Variants in RHBDD1 observed in about 807,000 individuals in gnomAD.
The protein encoded by RHBDD1 is rhomboid domain containing 1.
RHBDD1 carries 38 observed loss-of-function variants against 36.3 expected under a neutral mutation model. That is an observed-to-expected ratio of 1.05 (90% confidence interval 0.81 to 1.37). The LOEUF is 1.37. Among genes scored for constraint, RHBDD1 ranks in the 40% most tolerant of loss-of-function variants. The probability of loss-of-function intolerance (pLI) is 0.00; values close to 1 mark genes in which losing one functional copy is unlikely to be tolerated. For synonymous variants in RHBDD1, 151 were observed against 136.5 expected, an observed-to-expected ratio of 1.11 and a Z score of -0.74; for missense variants, 393 against 377.6, an observed-to-expected ratio of 1.04 and a Z score of -0.34.
chr2:226,913,587 G>A (rs1270946589), intron 7 of RHBDD1, among the ~76,000 whole-genome samples: 1 of 152,174 alleles, frequency 6.6e-6, no homozygotes, highest in Non-Finnish European at 1.5e-5. Flanking sequence ...TAATGACTAG[G>A]TTATCTCTTC....
Position 226,853,718 on chromosome 2 carries a change from T to TACACC in RHBDD1, c.-90-10884_-90-10883insACCAC, listed in dbSNP as rs1037505403. On this transcript the variant is annotated intron_variant, in intron 3 of 8. Transcript: ENST00000392062. Reference sequence around the variant, plus strand: ...TAATGTGTGGGATGCATGTGAAATTTACTTTCGTCCCCTCTTGTGGTGAGA... The same window carrying TACACC: ...TAATGTGTGGGATGCATGTGAAATTTACACCACTTTCGTCCCCTCTTGTGGTGAGA... Among the ~76,000 whole-genome samples the TACACC allele has an allele frequency of 1.3e-3, 203 of 152,374 alleles. 3 individuals are homozygous for TACACC. Among genetic ancestry groups the TACACC allele is most frequent in the African/African-American group, 4.8e-3 (199 of 41,598 alleles).
chr2:226,807,374 C>T, the RHBDD1 span: 1 of 152,038 alleles, frequency 6.6e-6, no homozygotes, highest in Non-Finnish European at 1.5e-5. Flanking sequence ...AACTGCTTAC[C>T]AGGAATTTAA....
chr2:226,850,424 A>G (rs1479740199), intron 3 of RHBDD1, among the ~76,000 whole-genome samples: 1 of 152,190 alleles, frequency 6.6e-6, no homozygotes, highest in Non-Finnish European at 1.5e-5. Flanking sequence ...ACAATGCACA[A>G]AGGGTTTCAT....
At chr2:226,932,704 C>A (rs899276797) in intron 8 of RHBDD1, among the ~76,000 whole-genome samples, 3 of 151,938 alleles carry the variant, frequency 2.0e-5, no homozygotes, top group Non-Finnish European at 2.9e-5. Context: ...ATGGGTATGT[C>A]CTGATTAAGC....
At chr2:226,967,659 A>G (rs1421898798) in intron 8 of RHBDD1, among the ~76,000 whole-genome samples, 1 of 151,686 alleles carries the variant, frequency 6.6e-6, no homozygotes, top group Non-Finnish European at 1.5e-5. Flanking sequence ...TTGTTGTAGT[A>G]ATTTTTCTGT....
chr2:226,867,076 A>C, intron 4 of RHBDD1, 110 bp from the exon 5 acceptor site: 3 of 1,118,284 alleles, frequency 2.7e-6, no homozygotes, highest in Non-Finnish European at 3.8e-6. Context: ...TAAAGCACAA[A>C]GTTGGATGTA....
intron 5 of RHBDD1, among the ~76,000 whole-genome samples, chr2:226,874,868 C>T (rs1945092800): frequency 6.6e-6 from 1 of 152,208 alleles, no homozygotes; most frequent in Non-Finnish European, 1.5e-5. Context: ...CCATGTGTCT[C>T]AGCCTGTGCG....
chr2:226,960,493 T>C (rs1479225762), intron 8 of RHBDD1, among the ~76,000 whole-genome samples: 2 of 152,222 alleles, frequency 1.3e-5, no homozygotes, highest in Non-Finnish European at 2.9e-5. Context: ...TATATTTAAC[T>C]GGGCATGTTT....
At position 226,960,484 on chromosome 2, in the gene RHBDD1, A is replaced by G. The variant is rs144176865; in HGVS notation, c.857-34947A>G. ...ACAACTGTGGATTTTCTGTTACTTTATATTTAACTGGGCATGTTTGTGAAA... is the reference window on the plus strand; with the variant it reads ...ACAACTGTGGATTTTCTGTTACTTTGTATTTAACTGGGCATGTTTGTGAAA... On this transcript the variant is annotated intron_variant, in intron 8 of 8. Coordinates refer to ENST00000392062, the MANE Select transcript of RHBDD1 (RefSeq NM_001167608.3). Among the ~76,000 whole-genome samples, 601 of 152,268 alleles carry G rather than the reference A, an allele frequency of 3.9e-3. 3 individuals carry two copies. Among genetic ancestry groups the G allele is most frequent in the Non-Finnish European group, 5.5e-3 (377 of 68,010 alleles).
rs745642950 is a variant in RHBDD1 at position 226,864,983 on chromosome 2, G to T, written c.290G>T (p.Arg97Ile). 6.2e-7 allele frequency: 1 copy of T among 1,614,216 alleles called. No individual in the cohort carries two copies. Among genetic ancestry groups the T allele is most frequent in the Non-Finnish European group, 8.5e-7 (1 of 1,180,022 alleles). Residue 97 changes from arginine (R) to isoleucine (I), a missense_variant, in exon 4 of 9, where the codon AGA becomes ATA. Coordinates refer to ENST00000392062, the MANE Select transcript of RHBDD1 (RefSeq NM_001167608.3). ...CTCTGGAAAGGAATAAATCTAGAAA[G>T]AAGACTGGGAAGTAGATGGTTTGCC... is the stretch of plus-strand genomic sequence containing the variant. ...SMLWKGINLE[R>I]RLGSRWFAYV...
At chr2:226,934,110 C>T (rs1450683492) in intron 8 of RHBDD1, among the ~76,000 whole-genome samples, 1 of 152,106 alleles carries the variant, frequency 6.6e-6, no homozygotes, top group Non-Finnish European at 1.5e-5. Context: ...CATAATGTTT[C>T]GCTCAGCAAC....
At chr2:226,869,160 T>C in intron 5 of RHBDD1, 1 of 985,218 alleles carries the variant, frequency 1.0e-6, no homozygotes, top group Non-Finnish European at 1.2e-6. Context: ...CCAACTTACA[T>C]GGAAAAGGGA....
intron 5 of RHBDD1, among the ~76,000 whole-genome samples, chr2:226,870,369 T>A (rs1944695589): frequency 6.6e-6 from 1 of 152,224 alleles, no homozygotes; most frequent in Non-Finnish European, 1.5e-5. Context: ...CCTAATTTCT[T>A]TTGCTTTCTA....
At chr2:226,985,446 A>G (rs143918775) in intron 8 of RHBDD1, among the ~76,000 whole-genome samples, 10 of 152,354 alleles carry the variant, frequency 6.6e-5, no homozygotes, top group African/African-American at 2.2e-4. Flanking sequence ...TCTGCTTACG[A>G]TGCGGAATGC....
intron 8 of RHBDD1, among the ~76,000 whole-genome samples, chr2:226,958,218 A>G (rs143326379): frequency 7.7e-4 from 118 of 152,354 alleles, no homozygotes; most frequent in African/African-American, 2.7e-3. Flanking sequence ...TAAAGTGCTA[A>G]TACAGGCTAC....
intron 8 of RHBDD1, among the ~76,000 whole-genome samples, chr2:226,927,002 A>G (rs559822234): frequency 1.3e-5 from 2 of 152,252 alleles, no homozygotes; most frequent in East Asian, 3.9e-4. Flanking sequence ...GTGTACACTT[A>G]TGTGAGCTTT....
chr2:226,943,432 C>T (rs1031695857), intron 8 of RHBDD1, among the ~76,000 whole-genome samples: 6 of 152,130 alleles, frequency 3.9e-5, no homozygotes, highest in African/African-American at 1.4e-4. Flanking sequence ...ACAGATCAAA[C>T]CAGAACAATC....
At chr2:226,804,435 A>G in the RHBDD1 span, 1 of 152,164 alleles carries the variant, frequency 6.6e-6, no homozygotes, top group Non-Finnish European at 1.5e-5. Flanking sequence ...GTCAACAAAG[A>G]TCTTCACCTG....
chr2:226,854,555 C>T (rs1574814688), intron 3 of RHBDD1, among the ~76,000 whole-genome samples: 2 of 147,532 alleles, frequency 1.4e-5, no homozygotes, highest in African/African-American at 2.6e-5. Context: ...GATCGCAGAT[C>T]GCACCACTGC....
Sources: gnomAD v4.1 joint callset for allele counts (sites outside exome capture counted in the v4.1 genomes callset) on GRCh38, gnomAD v4.1.1 for gene constraint, MANE v1.5 for transcripts, NCBI Gene and HGNC (gene_info 2026-07-23, HGNC 2026-07-21) for gene names.